The following ALK variants were observed in gnomAD, a reference collection of about 807,000 sequenced individuals.
ALK encodes ALK tyrosine kinase receptor.
Under a neutral mutation model 163.1 loss-of-function variants are expected in ALK, and 74 were observed. That is an observed-to-expected ratio of 0.45 (90% CI 0.38 to 0.55). The LOEUF (loss-of-function observed/expected upper bound fraction) is 0.55, where lower values mean the gene tolerates loss of function less well. ALK is among the 20% of genes least tolerant of loss of function. ALK has a pLI of 0.00. For missense variants in ALK, 2,063 were observed against 2,105.3 expected (o/e 0.98, Z 0.39); for synonymous variants, 960 against 843.2 (o/e 1.14, Z -2.40).
chr2:29,536,055 C>T (rs988324431), intron 3 of ALK, among the ~76,000 whole-genome samples: 1 of 152,164 alleles, frequency 6.6e-6, no homozygotes, highest in Non-Finnish European at 1.5e-5. Context: ...GATGCTTCTG[C>T]TATAAGGCTG....
intron 3 of ALK, among the ~76,000 whole-genome samples, chr2:29,589,816 C>T (rs1674996028): frequency 6.6e-6 from 1 of 152,202 alleles, no homozygotes; most frequent in Admixed American, 6.5e-5. Context: ...AGAGACCTGG[C>T]ATAAAGTACT....
At chr2:29,511,402 T>C (rs1035229390) in intron 4 of ALK, among the ~76,000 whole-genome samples, 2 of 152,240 alleles carry the variant, frequency 1.3e-5, no homozygotes, top group Non-Finnish European at 2.9e-5. Flanking sequence ...CTATGTGGTC[T>C]TTGTGCCTGG....
chr2:29,734,266 C>T (rs1353134737), intron 1 of ALK, among the ~76,000 whole-genome samples: 1 of 152,124 alleles, frequency 6.6e-6, no homozygotes, highest in African/African-American at 2.4e-5. Flanking sequence ...TGCTGCAGAC[C>T]ATCTCCATCC....
chr2:29,678,152 C>T (rs1677942767), intron 3 of ALK, among the ~76,000 whole-genome samples: 1 of 151,910 alleles, frequency 6.6e-6, no homozygotes, highest in African/African-American at 2.4e-5. Flanking sequence ...GTGATGGTCC[C>T]TCATTTATTC....
intron 4 of ALK, among the ~76,000 whole-genome samples, chr2:29,439,760 G>A (rs1339887413): frequency 1.3e-5 from 2 of 152,052 alleles, no homozygotes; most frequent in Admixed American, 1.3e-4. Context: ...AGAAGTGGGA[G>A]GGATGTGGCT....
intron 1 of ALK, among the ~76,000 whole-genome samples, chr2:29,812,353 C>T (rs534231873): frequency 2.6e-4 from 40 of 152,084 alleles, no homozygotes; most frequent in African/African-American, 9.2e-4. Flanking sequence ...TAAATACCCC[C>T]GCCATCATCA....
intron 16 of ALK, 52 bp downstream of exon 16, chr2:29,228,832 G>T: frequency 8.2e-7 from 1 of 1,223,168 alleles, no homozygotes; most frequent in Non-Finnish European, 1.2e-6. Context: ...GAGGTGAGGA[G>T]CCTAGGACTA....
At chr2:29,683,857 T>C (rs999073436) in intron 3 of ALK, among the ~76,000 whole-genome samples, 8 of 152,178 alleles carry the variant, frequency 5.3e-5, no homozygotes, top group African/African-American at 1.9e-4. Context: ...TGTGTGTTAC[T>C]CCACTATGCC....
chr2:29,834,775 GAGA>G (rs1156708929), intron 1 of ALK, among the ~76,000 whole-genome samples: 1 of 152,202 alleles, frequency 6.6e-6, no homozygotes, highest in Non-Finnish European at 1.5e-5. Context: ...GTGGTGACCT[GAGA>G]AGTCTTTCCA....
At chr2:29,857,666 G>A (rs1666176566) in intron 1 of ALK, among the ~76,000 whole-genome samples, 1 of 152,196 alleles carries the variant, frequency 6.6e-6, no homozygotes, top group Non-Finnish European at 1.5e-5. Flanking sequence ...GAGGAAGCTG[G>A]AGAAGCTGAA....
chr2:29,764,626 C>A (rs968762710), intron 1 of ALK, among the ~76,000 whole-genome samples: 1 of 152,132 alleles, frequency 6.6e-6, no homozygotes, highest in Non-Finnish European at 1.5e-5. Context: ...CTGTCACTGG[C>A]TTAATATATC....
intron 5 of ALK, among the ~76,000 whole-genome samples, chr2:29,379,349 A>T (rs183579282): frequency 3.9e-4 from 59 of 152,310 alleles, no homozygotes; most frequent in African/African-American, 1.3e-3. Context: ...GCTATAAAAG[A>T]AGGTGCAGCA....
intron 8 of ALK, among the ~76,000 whole-genome samples, chr2:29,297,815 T>C (rs1351293331): frequency 6.7e-6 from 1 of 149,154 alleles, no homozygotes; most frequent in East Asian, 1.9e-4. Context: ...TATTCAGAGG[T>C]AGGACATACT....
At chr2:29,522,273 T>C (rs1672835258) in intron 4 of ALK, among the ~76,000 whole-genome samples, 1 of 152,148 alleles carries the variant, frequency 6.6e-6, no homozygotes, top group Non-Finnish European at 1.5e-5. Flanking sequence ...GTAAAAGTAG[T>C]AGTGCTAGGG....
At chr2:29,724,557 C>T (rs1679515369) in intron 1 of ALK, among the ~76,000 whole-genome samples, 1 of 152,030 alleles carries the variant, frequency 6.6e-6, no homozygotes, top group African/African-American at 2.4e-5. Context: ...CGGTGATGGG[C>T]GATGTTGTTA....
chr2:29,579,703 T>C (rs1674625040), intron 3 of ALK, among the ~76,000 whole-genome samples: 1 of 152,110 alleles, frequency 6.6e-6, no homozygotes, highest in Non-Finnish European at 1.5e-5. Context: ...CTCATCAGAT[T>C]GAGAGCTGTT....
chr2:29,886,955 G>A (rs990151468), intron 1 of ALK, among the ~76,000 whole-genome samples: 4 of 152,140 alleles, frequency 2.6e-5, no homozygotes, highest in East Asian at 3.9e-4. Context: ...TTGAAATCAG[G>A]AATATTTTAA....
intron 8 of ALK, among the ~76,000 whole-genome samples, chr2:29,306,861 G>A (rs896861302): frequency 1.3e-5 from 2 of 152,216 alleles, no homozygotes; most frequent in Non-Finnish European, 2.9e-5. Flanking sequence ...AATGAGACAA[G>A]TGAGTAGAGA....
intron 4 of ALK, among the ~76,000 whole-genome samples, chr2:29,414,874 T>G (rs1375694840): frequency 1.3e-5 from 2 of 151,960 alleles, no homozygotes; most frequent in Non-Finnish European, 2.9e-5. Flanking sequence ...AGTCTATAAT[T>G]GGGATCCTCA....
Sources: gnomAD v4.1 joint callset for allele counts (sites outside exome capture counted in the v4.1 genomes callset) on GRCh38, gnomAD v4.1.1 for gene constraint, MANE v1.5 for transcripts, NCBI Gene and HGNC (gene_info 2026-07-23, HGNC 2026-07-21) for gene names.